Variants in MTSS1 observed in about 807,000 individuals in gnomAD.
MTSS1 encodes MTSS I-BAR domain containing 1, also known as protein MTSS 1.
Under a neutral mutation model 79.0 loss-of-function variants are expected in MTSS1, and 18 were observed. The observed-to-expected ratio is 0.23, with a 90% CI of 0.16 to 0.34. MTSS1 has a LOEUF of 0.34. MTSS1 is among the 10% of genes least tolerant of loss of function. MTSS1 has a pLI of 1.00. For synonymous variants in MTSS1, 341 were observed against 368.6 expected, an observed-to-expected ratio of 0.93 and a Z score of 0.86; for missense variants, 815 against 986.2, an observed-to-expected ratio of 0.83 and a Z score of 2.33.
rs1187392185 is a variant in MTSS1, at chr8:124,597,066, C to T, written c.209-5831G>A. Among the ~76,000 whole-genome samples the T allele has an allele frequency of 6.6e-6, 1 of 152,114 alleles. No individual in the cohort carries two copies. Among genetic ancestry groups the T allele is most frequent in the Non-Finnish European group, 1.5e-5 (1 of 68,024 alleles). On this transcript the variant is annotated intron_variant, in intron 3 of 13. Transcript: ENST00000518547. The surrounding 1 kb of genome is among the most constrained non-coding windows in gnomAD (Gnocchi z 4.6). ...CTGGGGGTGCGCCGCAGTCCACGGC[C>T]CACATCCTACCGTGCAGCAAAAACT... is the stretch of plus-strand genomic sequence containing the variant.
chr8:124,718,838 G>A (rs561812225), intron 1 of MTSS1, among the ~76,000 whole-genome samples: 3 of 152,110 alleles, frequency 2.0e-5, no homozygotes, highest in Non-Finnish European at 4.4e-5. Context: ...TGCACACTTC[G>A]ATCTCACAGC....
In MTSS1 at chr8:124,637,511, A is replaced by C. The variant is rs1817231366; in HGVS notation, c.209-46276T>G. Among the ~76,000 whole-genome samples, 3 of 152,224 alleles carry C rather than the reference A, an allele frequency of 2.0e-5. No homozygotes were observed. In the South Asian group the frequency reaches 6.2e-4, roughly 31 times the overall value. ...CTCCAACATGGGCAGGCTGGTGGTAAGCTGGGTATCTGGTGTTGGGAAGAT... is the reference window on the plus strand; with the variant it reads ...CTCCAACATGGGCAGGCTGGTGGTACGCTGGGTATCTGGTGTTGGGAAGAT... On this transcript the variant is annotated intron_variant, in intron 3 of 13. Transcript: ENST00000518547.
chr8:124,664,326 C>G (rs141170441), intron 3 of MTSS1, among the ~76,000 whole-genome samples: 4 of 152,166 alleles, frequency 2.6e-5, no homozygotes, highest in Non-Finnish European at 5.9e-5. Context: ...CAGCGAGGCC[C>G]GTCTCTAGAT....
At chr8:124,706,375 G>C (rs548333624) in intron 1 of MTSS1, among the ~76,000 whole-genome samples, 1 of 152,142 alleles carries the variant, frequency 6.6e-6, no homozygotes, top group South Asian at 2.1e-4. Context: ...AAACAATAAA[G>C]TCATTGCATT....
intron 6 of MTSS1, among the ~76,000 whole-genome samples, chr8:124,577,342 C>G (rs1041703744): frequency 1.3e-5 from 2 of 152,216 alleles, no homozygotes; most frequent in African/African-American, 4.8e-5. Flanking sequence ...CTCTGCCTCC[C>G]AGGTTTAAGC....
In MTSS1 at chr8:124,582,078, C is replaced by T. The variant is rs950771104; in HGVS notation, c.460+3009G>A. Among the ~76,000 whole-genome samples the T allele has an allele frequency of 6.6e-6, 1 of 152,168 alleles. No individual in the cohort carries two copies. Among genetic ancestry groups the T allele is most frequent in the Non-Finnish European group, 1.5e-5 (1 of 68,034 alleles). On this transcript the variant is annotated intron_variant, in intron 6 of 13. Coordinates refer to ENST00000518547, the MANE Select transcript of MTSS1 (RefSeq NM_014751.6). The surrounding 1 kb of genome is among the most constrained non-coding windows in gnomAD (Gnocchi z 4.8). ...GGCAATGCTGGCTCTGCCCCGTGCTCTTGACCCTGTGCACGAGCCCAGAAT... is the reference window on the plus strand; with the variant it reads ...GGCAATGCTGGCTCTGCCCCGTGCTTTTGACCCTGTGCACGAGCCCAGAAT...
chr8:124,602,207 A>ACACACACACACATATATATAT, intron 3 of MTSS1, among the ~76,000 whole-genome samples: 3 of 142,208 alleles, frequency 2.1e-5, no homozygotes, highest in East Asian at 4.0e-4. Context: ...ATATATATAT[A>ACACACACACACATATATATAT]ATTTTTTTTT....
At chr8:124,666,174 C>T (rs1563960909) in intron 3 of MTSS1, among the ~76,000 whole-genome samples, 1 of 152,214 alleles carries the variant, frequency 6.6e-6, no homozygotes, top group Non-Finnish European at 1.5e-5. Context: ...GGGGTGGGGA[C>T]TGGATCATAT....
chr8:124,612,792 T>C (rs1836122247), intron 3 of MTSS1, among the ~76,000 whole-genome samples: 2 of 151,956 alleles, frequency 1.3e-5, no homozygotes, highest in African/African-American at 2.4e-5. Context: ...TTAAGAACTG[T>C]TGTGTTGGAA....
At chr8:124,725,596 C>T (rs1833585662) in intron 1 of MTSS1, among the ~76,000 whole-genome samples, 1 of 152,018 alleles carries the variant, frequency 6.6e-6, no homozygotes, top group Non-Finnish European at 1.5e-5. Context: ...CATTATAAAC[C>T]CATTATGGGA....
chr8:124,671,204 C>T (rs1039827077), intron 3 of MTSS1, among the ~76,000 whole-genome samples: 1 of 152,040 alleles, frequency 6.6e-6, no homozygotes, highest in Non-Finnish European at 1.5e-5. Context: ...GATTTCTGAC[C>T]TCCAAAATTT....
chr8:124,703,501 C>G (rs1829991421), intron 2 of MTSS1, among the ~76,000 whole-genome samples: 1 of 152,152 alleles, frequency 6.6e-6, no homozygotes, highest in African/African-American at 2.4e-5. Flanking sequence ...CCATGTTGGC[C>G]AGACTGGTCT....
intron 10 of MTSS1, chr8:124,558,591 G>A: frequency 1.5e-6 from 2 of 1,333,904 alleles, no homozygotes. Flanking sequence ...GTCCCCAAGA[G>A]GAGCCCCACT....
At chr8:124,643,862 AG>A (rs1307560320) in intron 3 of MTSS1, among the ~76,000 whole-genome samples, 1 of 152,204 alleles carries the variant, frequency 6.6e-6, no homozygotes, top group East Asian at 1.9e-4. Context: ...GCAAAATTAC[AG>A]GTAACTTTTA....
At chr8:124,688,913 A>C (rs1362612464) in intron 3 of MTSS1, among the ~76,000 whole-genome samples, 1 of 152,032 alleles carries the variant, frequency 6.6e-6, no homozygotes, top group Non-Finnish European at 1.5e-5. Flanking sequence ...AAAATGTTGC[A>C]CTAGATACTA....
At chr8:124,607,920 A>G (rs1835149570) in intron 3 of MTSS1, among the ~76,000 whole-genome samples, 1 of 152,160 alleles carries the variant, frequency 6.6e-6, no homozygotes, top group Non-Finnish European at 1.5e-5. Context: ...TGTTCGGTAA[A>G]TAAGATTTTA....
chr8:124,685,917 C>T (rs953955514), intron 3 of MTSS1, among the ~76,000 whole-genome samples: 2 of 152,148 alleles, frequency 1.3e-5, no homozygotes, highest in African/African-American at 4.8e-5. Context: ...AGGCGGAACG[C>T]AAGTGAGCAC....
At chr8:124,577,908 G>A (rs1333978302) in intron 6 of MTSS1, among the ~76,000 whole-genome samples, 1 of 152,176 alleles carries the variant, frequency 6.6e-6, no homozygotes, top group Non-Finnish European at 1.5e-5. Flanking sequence ...TTGACTGCAG[G>A]TCTCAGGGTC....
chr8:124,574,794 C>T (rs1040381812), intron 6 of MTSS1, among the ~76,000 whole-genome samples: 6 of 152,172 alleles, frequency 3.9e-5, no homozygotes, highest in African/African-American at 1.2e-4. Context: ...TTTCTTTCTT[C>T]GGAGAGAGGT....
Sources: allele counts gnomAD v4.1 joint callset (sites outside exome capture counted in the v4.1 genomes callset), GRCh38; gene constraint gnomAD v4.1.1; non-coding constraint Gnocchi (gnomAD v3.1); transcripts MANE v1.5; gene names NCBI Gene and HGNC (gene_info 2026-07-23, HGNC 2026-07-21).